Variants in CLEC18B observed in about 807,000 individuals in gnomAD.
CLEC18B encodes C-type lectin domain family 18 member B, also known as mannose receptor-like 2.
Under a neutral mutation model 60.4 loss-of-function variants are expected in CLEC18B, and 5 were observed. That is an observed-to-expected ratio of 0.08 (90% CI 0.04 to 0.17). The LOEUF (loss-of-function observed/expected upper bound fraction) is 0.17. CLEC18B is among the 10% of genes least tolerant of loss of function. CLEC18B has a pLI of 1.00. For synonymous variants in CLEC18B, 16 were observed against 221.2 expected (o/e 0.07, Z 8.23); for missense variants, 26 against 572.8 (o/e 0.05, Z 9.74).
upstream of CLEC18B, among the ~76,000 whole-genome samples, chr16:74,423,463 C>T (rs1157107000): frequency 5.4e-4 from 83 of 152,376 alleles, 2 homozygotes; most frequent in African/African-American, 7.2e-4. Context: ...CCAAGGCAGG[C>T]GGATCACTTG....
At chr16:74,419,188 G>A (rs2013561140) in intron 2 of CLEC18B, among the ~76,000 whole-genome samples, 1 of 152,288 alleles carries the variant, frequency 6.6e-6, no homozygotes, top group South Asian at 2.1e-4. Flanking sequence ...GAGCTCATCT[G>A]TAAACGGAGC....
chr16:74,422,382 C>T (rs1286636521), upstream of CLEC18B: 4 of 152,096 alleles, frequency 2.6e-5, no homozygotes, highest in African/African-American at 4.8e-5. Flanking sequence ...ACCCCTGGCC[C>T]CTGAGCCCAC....
At chr16:74,420,143 G>C (rs1424612289) in intron 2 of CLEC18B, among the ~76,000 whole-genome samples, 6 of 150,884 alleles carry the variant, frequency 4.0e-5, no homozygotes, top group Non-Finnish European at 8.9e-5. Context: ...CCCTGGCCCG[G>C]CCGCCCATCC....
At chr16:74,416,241 C>T (rs923566657) in intron 3 of CLEC18B, among the ~76,000 whole-genome samples, 7 of 141,754 alleles carry the variant, frequency 4.9e-5, no homozygotes, top group South Asian at 2.6e-4. Context: ...GCAGCCTGCG[C>T]GACAGAGCGA....
chr16:74,414,414 G>A (rs1334483797), intron 3 of CLEC18B, among the ~76,000 whole-genome samples: 1 of 151,956 alleles, frequency 6.6e-6, no homozygotes, highest in African/African-American at 2.4e-5. Context: ...GGCTGGCTCT[G>A]TAACTGGTTT....
chr16:74,416,100 C>A (rs1265668877), intron 3 of CLEC18B, among the ~76,000 whole-genome samples: 1 of 151,528 alleles, frequency 6.6e-6, no homozygotes, highest in Non-Finnish European at 1.5e-5. Flanking sequence ...CTCTACTAAA[C>A]AAAATACAAA....
At chr16:74,417,032 C>T (rs1421750795) in intron 3 of CLEC18B, among the ~76,000 whole-genome samples, 4 of 150,420 alleles carry the variant, frequency 2.7e-5, no homozygotes, top group Admixed American at 6.6e-5. Context: ...GGGAGGCCCA[C>T]GCAGGTGGAT....
intron 2 of CLEC18B, among the ~76,000 whole-genome samples, chr16:74,419,124 C>A (rs931903133): frequency 6.6e-6 from 1 of 152,278 alleles, no homozygotes; most frequent in Non-Finnish European, 1.5e-5. Context: ...AGGGGCCTGG[C>A]AATCACCACC....
chr16:74,422,627 C>T (rs1331595771), upstream of CLEC18B, among the ~76,000 whole-genome samples: 148 of 146,444 alleles, frequency 1.0e-3, no homozygotes, highest in African/African-American at 3.6e-3. Context: ...AGGGTCACTG[C>T]GTGTGGGTCC....
intron 4 of CLEC18B, among the ~76,000 whole-genome samples, 181 bp downstream of exon 4, chr16:74,413,398 C>T (rs2013272122): frequency 6.6e-6 from 1 of 152,276 alleles, no homozygotes; most frequent in East Asian, 1.9e-4. Flanking sequence ...AGAGCAGCAC[C>T]TTCTGCGTGG....
chr16:74,419,290 G>A (rs1429426176), intron 2 of CLEC18B, among the ~76,000 whole-genome samples: 7 of 152,158 alleles, frequency 4.6e-5, no homozygotes, highest in African/African-American at 1.4e-4. Context: ...ACTTCATCCT[G>A]CACTAATGTC....
upstream of CLEC18B, chr16:74,421,484 T>A: frequency 3.6e-6 from 2 of 557,536 alleles, no homozygotes; most frequent in Non-Finnish European, 6.4e-6. Flanking sequence ...AAGAGACAAC[T>A]CCCGGGGATG....
At chr16:74,415,631 G>A (rs2013382747) in intron 3 of CLEC18B, among the ~76,000 whole-genome samples, 2 of 150,108 alleles carry the variant, frequency 1.3e-5, no homozygotes, top group Admixed American at 6.7e-5. Context: ...AACAATAATA[G>A]AGGCTGGGCG....
At chr16:74,422,783 G>A (rs1421463912), upstream of CLEC18B, among the ~76,000 whole-genome samples, 1 of 152,232 alleles carries the variant, frequency 6.6e-6, no homozygotes, top group Non-Finnish European at 1.5e-5. Context: ...TTCCACCTCA[G>A]CCTCCCAAGT....
intron 8 of CLEC18B, among the ~76,000 whole-genome samples, 159 bp from the exon 9 acceptor site, chr16:74,411,193 T>C (rs2013135628): frequency 6.6e-6 from 1 of 152,292 alleles, no homozygotes; most frequent in South Asian, 2.1e-4. Context: ...AGGGGTCCCT[T>C]CTGCTCCCGT....
chr16:74,419,955 G>A (rs2013603343), intron 2 of CLEC18B, among the ~76,000 whole-genome samples: 1 of 152,244 alleles, frequency 6.6e-6, no homozygotes, highest in African/African-American at 2.4e-5. Flanking sequence ...CAGCCGGGCT[G>A]GTGGGGAACT....
upstream of CLEC18B, among the ~76,000 whole-genome samples, chr16:74,423,448 G>A (rs1418241697): frequency 2.9e-4 from 44 of 152,292 alleles, no homozygotes; most frequent in African/African-American, 9.9e-4. Flanking sequence ...CAGAACTCTG[G>A]GAGGCCAAGG....
At chr16:74,422,110 G>A (rs1422874551), upstream of CLEC18B, 11 of 148,854 alleles carry the variant, frequency 7.4e-5, no homozygotes, top group Admixed American at 3.4e-4. Flanking sequence ...CTGGGATCAC[G>A]TCCGCCTCTA....
chr16:74,413,274 A>G, intron 4 of CLEC18B, 116 bp from the exon 5 acceptor site: 1 of 1,604,100 alleles, frequency 6.2e-7, no homozygotes, highest in Non-Finnish European at 8.5e-7. Context: ...CAGGCCAGGG[A>G]GTCAGGGAGC....
Sources: allele counts gnomAD v4.1 joint callset (sites outside exome capture counted in the v4.1 genomes callset), GRCh38; gene constraint gnomAD v4.1.1; transcripts MANE v1.5; gene names NCBI Gene and HGNC (gene_info 2026-07-23, HGNC 2026-07-21).